UBXN7: variants seen among roughly 807,000 people sequenced by gnomAD.
UBXN7 encodes UBX domain-containing protein 7.
UBXN7 carries 9 observed loss-of-function variants against 58.0 expected under a neutral mutation model. The ratio of observed to expected loss-of-function variants is 0.16; its 90% CI spans 0.09 to 0.27. The LOEUF is 0.27. Ranked by LOEUF, UBXN7 falls within the 10% of genes least tolerant of loss-of-function variation. The pLI is 1.00. For synonymous variants in UBXN7, 208 were observed against 205.0 expected (o/e 1.01, Z -0.12); for missense variants, 328 against 599.6 (o/e 0.55, Z 4.73).
At chr3:196,358,821 T>C (rs1465467794) in intron 10 of UBXN7, among the ~76,000 whole-genome samples, 1 of 150,370 alleles carries the variant, frequency 6.7e-6, no homozygotes, top group Non-Finnish European at 1.5e-5. Context: ...AACACCTCTT[T>C]CTTTTTTTTT....
rs184293325 is a variant in UBXN7 at position 196,401,896 on chromosome 3, G to C, written c.289+1056C>G. 4.5e-3 allele frequency among the ~76,000 whole-genome samples: 567 copies of C among 125,340 alleles called. 6 individuals are homozygous for C. The highest frequency in any genetic ancestry group is 0.015 in the African/African-American group (547 of 36,948). The allele number at this position is 125,340 out of a possible 152,430, so 82.2% of individuals were successfully genotyped here. A position where few individuals can be genotyped will look rare whatever the true frequency, so the allele number is the denominator to read the frequency against. On this transcript the variant is annotated intron_variant, in intron 3 of 10. Coordinates refer to ENST00000296328, the MANE Select transcript of UBXN7 (RefSeq NM_015562.2). The stretch of plus-strand genomic sequence containing the variant: ...TATTGGGTACTACGCTCATTACCTA[G>C]GTGATAATCTGTACACCAAACCCAC...
chr3:196,413,289 G>C lies in UBXN7; in HGVS notation c.74-5896C>G, dbSNP rs150281775. ...GGAGGCAGAGGTTGCAGTGAGCCGAGGTTGCTCCATTGCACTTCAGCCTGG... is the reference window on the plus strand; with the variant it reads ...GGAGGCAGAGGTTGCAGTGAGCCGACGTTGCTCCATTGCACTTCAGCCTGG... On this transcript the variant is annotated intron_variant, in intron 1 of 10. Coordinates refer to ENST00000296328, the MANE Select transcript of UBXN7 (RefSeq NM_015562.2). 8.0e-3 allele frequency among the ~76,000 whole-genome samples: 1,214 copies of C among 152,148 alleles called. 17 individuals are homozygous for C. Among genetic ancestry groups the C allele is most frequent in the African/African-American group, 0.028 (1,163 of 41,514 alleles).
chr3:196,348,083 A>T lies in UBXN7; in HGVS notation c.*8602T>A, dbSNP rs1483276973. The stretch of plus-strand genomic sequence containing the variant: ...GCAAGTGGAAGTTCCATTGAGTCTT[A>T]GCCAGTAGTTACAACTCTGCGTTAC... On this transcript the variant is annotated 3_prime_UTR_variant, in exon 11 of 11. Transcript: ENST00000296328. 3.3e-5 allele frequency: 5 copies of T among 152,166 alleles called. No individual in the cohort carries two copies. Among genetic ancestry groups the T allele is most frequent in the African/African-American group, 1.2e-4 (5 of 41,426 alleles). The allele number at this position is 152,166 out of a possible 1,614,324, so 9.4% of individuals were successfully genotyped here. A position where few individuals can be genotyped will look rare whatever the true frequency, so the allele number is the denominator to read the frequency against.
At chr3:196,363,630 A>G (rs890406121) in intron 8 of UBXN7, among the ~76,000 whole-genome samples, 1 of 152,134 alleles carries the variant, frequency 6.6e-6, no homozygotes, top group African/African-American at 2.4e-5. Context: ...TCCAGTGAAC[A>G]CACAAATGAT....
intron 8 of UBXN7, among the ~76,000 whole-genome samples, chr3:196,364,414 TATTA>T (rs1166417771): frequency 6.6e-6 from 1 of 152,122 alleles, no homozygotes; most frequent in Non-Finnish European, 1.5e-5. Flanking sequence ...TATGCCAGAG[TATTA>T]ATTAATGAAA....
intron 5 of UBXN7, among the ~76,000 whole-genome samples, chr3:196,382,484 G>C (rs1365083841): frequency 2.0e-5 from 3 of 152,146 alleles, no homozygotes; most frequent in Admixed American, 2.0e-4. Context: ...AGCTCCTGAA[G>C]GAAGCACTAA....
At chr3:196,372,918 T>C (rs1218108033) in intron 5 of UBXN7, among the ~76,000 whole-genome samples, 2 of 151,824 alleles carry the variant, frequency 1.3e-5, no homozygotes. Context: ...ACTAATTTTT[T>C]ATATATTTTT....
Position 196,348,199 on chromosome 3 carries a change from T to A in UBXN7, c.*8486A>T, listed in dbSNP as rs1728129224. The A allele has an allele frequency of 6.6e-6, 1 of 152,132 alleles. No homozygotes were observed. The allele number at this position is 152,132 out of a possible 1,614,324, so 9.4% of individuals were successfully genotyped here. ...AAGGCTTTCCCAAGCACCTTTATTA[T>A]GACTTACTAGATATACAGGAGGGTC... On this transcript the variant is annotated 3_prime_UTR_variant, in exon 11 of 11. Transcript: ENST00000296328.
rs1431726285 is a variant in UBXN7 at position 196,350,302 on chromosome 3, C to T, written c.*6383G>A. 1 of 152,152 alleles carries T rather than the reference C, an allele frequency of 6.6e-6. No homozygotes were observed. Among genetic ancestry groups the T allele is most frequent in the African/African-American group, 2.4e-5 (1 of 41,426 alleles). 9.4% of individuals were successfully genotyped at this position (152,152 alleles called of 1,614,324 possible). A position where few individuals can be genotyped will look rare whatever the true frequency, so the allele number is the denominator to read the frequency against. The stretch of plus-strand genomic sequence containing the variant: ...GCAATTTTAAGCAACACAACAGCAA[C>T]TGGTAGGCCACAAAGAGGGTGGGGT... On this transcript the variant is annotated 3_prime_UTR_variant, in exon 11 of 11. Coordinates refer to ENST00000296328, the MANE Select transcript of UBXN7 (RefSeq NM_015562.2).
chr3:196,399,593 T>A (rs1414608740), intron 3 of UBXN7, among the ~76,000 whole-genome samples: 1 of 152,146 alleles, frequency 6.6e-6, no homozygotes. Context: ...CGTGCCACCA[T>A]GCCTAACGAA....
chr3:196,391,778 T>C, intron 5 of UBXN7, 35 bp downstream of exon 5: 3 of 1,492,984 alleles, frequency 2.0e-6, no homozygotes, highest in Non-Finnish European at 2.8e-6. Flanking sequence ...TGCAAAAGGA[T>C]TCATAGTTAA....
At chr3:196,417,120 T>C (rs376245423) in intron 1 of UBXN7, among the ~76,000 whole-genome samples, 79 of 152,262 alleles carry the variant, frequency 5.2e-4, no homozygotes, top group South Asian at 1.9e-3. Context: ...GAGACCATCC[T>C]GGCTAACACG....
At chr3:196,405,327 G>A (rs78323680) in intron 2 of UBXN7, among the ~76,000 whole-genome samples, 9 of 151,362 alleles carry the variant, frequency 5.9e-5, no homozygotes, top group East Asian at 2.0e-4. Context: ...AAAATTAGCC[G>A]GGCGTGGTGG....
Position 196,368,144 on chromosome 3 carries a change from C to T in UBXN7, c.718G>A (p.Val240Ile). 6.2e-7 allele frequency: 1 copy of T among 1,613,750 alleles called. No homozygotes were observed. Among genetic ancestry groups the T allele is most frequent in the Non-Finnish European group, 8.5e-7 (1 of 1,179,880 alleles). Reference protein sequence around the residue: ...ILDPRTGQKLVEWHQLDVSSF... With the variant: ...ILDPRTGQKLIEWHQLDVSSF... ...GATACATCTAACTGGTGCCATTCTA[C>T]TAGCTTCTGACCTAAGGATTAAAAA... Residue 240 changes from valine to isoleucine, a missense_variant, in exon 8 of 11, where the codon GTA (valine) becomes ATA (isoleucine). Val to Ile is a conservative substitution (Grantham distance 29). Around this residue, in one of 4 missense-constraint regions of UBXN7, gnomAD observed 126 missense variants for 302.6 expected, o/e 0.42. Coordinates refer to ENST00000296328, the MANE Select transcript of UBXN7 (RefSeq NM_015562.2).
rs543163602 is a variant in UBXN7 at position 196,374,164 on chromosome 3, T to G, written c.469-2122A>C. Among the ~76,000 whole-genome samples the G allele has an allele frequency of 4.2e-4, 64 of 151,998 alleles. 1 individual carries two copies. Among genetic ancestry groups the G allele is most frequent in the Non-Finnish European group, 7.2e-4 (49 of 68,006 alleles). ...TAGAGATAGACTAGAGCGCACATAT[T>G]CCTACAGCAGGGTAAATTTACATAA... On this transcript the variant is annotated intron_variant, in intron 5 of 10. Coordinates refer to ENST00000296328, the MANE Select transcript of UBXN7 (RefSeq NM_015562.2).
At chr3:196,417,744 A>C (rs1420891664) in intron 1 of UBXN7, among the ~76,000 whole-genome samples, 1 of 148,978 alleles carries the variant, frequency 6.7e-6, no homozygotes, top group African/African-American at 2.5e-5. Flanking sequence ...AAAAAAAAAA[A>C]AAAAAAAAAA....
At chr3:196,432,234 A>C in intron 1 of UBXN7, 93 bp downstream of exon 1, 1 of 1,531,528 alleles carries the variant, frequency 6.5e-7, no homozygotes, top group Middle Eastern at 1.7e-4. Flanking sequence ...TAAAGCCCGA[A>C]GGAGGAATGC....
At position 196,374,348 on chromosome 3, in the gene UBXN7, T is replaced by C. The variant is rs115313994; in HGVS notation, c.469-2306A>G. Among the ~76,000 whole-genome samples the C allele has an allele frequency of 5.6e-3, 860 of 152,240 alleles. 6 individuals carry two copies. The highest frequency in any genetic ancestry group is 0.02 in the African/African-American group (813 of 41,562). On this transcript the variant is annotated intron_variant, in intron 5 of 10. Coordinates refer to ENST00000296328, the MANE Select transcript of UBXN7 (RefSeq NM_015562.2). ...ATCTCAGATTTATTCATTCAACAAA[T>C]ACTGAGTACCTATCATGTTTCAGGT...
At chr3:196,387,021 A>G (rs895711434) in intron 5 of UBXN7, among the ~76,000 whole-genome samples, 7 of 151,984 alleles carry the variant, frequency 4.6e-5, no homozygotes, top group African/African-American at 1.4e-4. Context: ...AATATATACT[A>G]TATCTGTTTC....
Sources: gnomAD v4.1 joint callset for allele counts (sites outside exome capture counted in the v4.1 genomes callset) on GRCh38, gnomAD v4.1.1 for gene constraint, gnomAD v4.1.1 regional missense constraint, MANE v1.5 for transcripts, NCBI Gene and HGNC (gene_info 2026-07-23, HGNC 2026-07-21) for gene names.